The following RPIA variants were observed in gnomAD, a reference collection of about 807,000 sequenced individuals.
The protein encoded by RPIA is ribose-5-phosphate isomerase.
A neutral mutation model predicts 37.8 loss-of-function variants in RPIA; 29 were observed. The ratio of observed to expected loss-of-function variants is 0.77; its 90% CI spans 0.57 to 1.05. The LOEUF (loss-of-function observed/expected upper bound fraction) is 1.05. RPIA is among the 50% of genes least tolerant of loss of function. The probability of loss-of-function intolerance (pLI) is 0.00; values close to 1 mark genes in which losing one functional copy is unlikely to be tolerated. For missense variants in RPIA, 385 were observed against 413.6 expected (o/e 0.93, Z 0.60); for synonymous variants, 167 against 157.0 (o/e 1.06, Z -0.48).
chr2:88,695,719 G>A (rs998018554), intron 1 of RPIA, among the ~76,000 whole-genome samples: 1 of 152,144 alleles, frequency 6.6e-6, no homozygotes, highest in Admixed American at 6.5e-5. Flanking sequence ...TGAGAGCATT[G>A]GTATAGGTGG....
chr2:88,727,281 A>G (rs1473649005), intron 3 of RPIA, among the ~76,000 whole-genome samples: 1 of 152,258 alleles, frequency 6.6e-6, no homozygotes, highest in Non-Finnish European at 1.5e-5. Context: ...ATGGGAAGGG[A>G]TGATCCAAAG....
intron 3 of RPIA, among the ~76,000 whole-genome samples, chr2:88,724,425 G>C (rs748987472): frequency 6.6e-6 from 1 of 152,022 alleles, no homozygotes; most frequent in Non-Finnish European, 1.5e-5. Context: ...TAATGCCTCA[G>C]CCTCCCTAGT....
At chr2:88,728,708 G>C (rs369260274) in intron 3 of RPIA, among the ~76,000 whole-genome samples, 16 of 152,272 alleles carry the variant, frequency 1.1e-4, no homozygotes, top group East Asian at 7.7e-4. Flanking sequence ...TAACGTCAGT[G>C]GTGCTGACTT....
At chr2:88,707,139 A>G (rs1461228719) in intron 3 of RPIA, among the ~76,000 whole-genome samples, 4 of 152,202 alleles carry the variant, frequency 2.6e-5, no homozygotes, top group Admixed American at 2.6e-4. Flanking sequence ...GCAATTTTCC[A>G]TCACTGGGTT....
At chr2:88,718,092 A>G (rs1337689345) in intron 3 of RPIA, among the ~76,000 whole-genome samples, 1 of 152,214 alleles carries the variant, frequency 6.6e-6, no homozygotes, top group East Asian at 1.9e-4. Flanking sequence ...GGAAAAAAGA[A>G]GGAAAAAAAC....
At chr2:88,702,017 G>A (rs1469447887) in intron 3 of RPIA, among the ~76,000 whole-genome samples, 2 of 152,204 alleles carry the variant, frequency 1.3e-5, no homozygotes, top group Non-Finnish European at 2.9e-5. Flanking sequence ...TTGATAGTCT[G>A]TGACTAATTA....
At chr2:88,693,351 A>T (rs936680748) in intron 1 of RPIA, among the ~76,000 whole-genome samples, 2 of 152,232 alleles carry the variant, frequency 1.3e-5, no homozygotes, top group Non-Finnish European at 2.9e-5. Flanking sequence ...GATTCTGACC[A>T]CATCATTTCA....
At chr2:88,695,589 TGA>T (rs1243982484) in intron 1 of RPIA, among the ~76,000 whole-genome samples, 2 of 152,196 alleles carry the variant, frequency 1.3e-5, no homozygotes, top group African/African-American at 2.4e-5. Flanking sequence ...TTTTTATATG[TGA>T]GATATTTAGC....
At chr2:88,743,580 T>TC (rs397817371) in intron 8 of RPIA, among the ~76,000 whole-genome samples, 9 of 152,124 alleles carry the variant, frequency 5.9e-5, no homozygotes, top group Non-Finnish European at 1.0e-4. Context: ...TCCCTTTTTT[T>TC]CCCATCTTTT....
intron 4 of RPIA, 142 bp downstream of exon 4, chr2:88,729,479 A>G: frequency 1.2e-6 from 1 of 866,416 alleles, no homozygotes; most frequent in Non-Finnish European, 1.9e-6. Flanking sequence ...TGGGACCTTG[A>G]GTATTAATTT....
At chr2:88,703,331 C>T (rs1343048571) in intron 3 of RPIA, among the ~76,000 whole-genome samples, 1 of 152,218 alleles carries the variant, frequency 6.6e-6, no homozygotes, top group East Asian at 1.9e-4. Flanking sequence ...TCCGCACTGC[C>T]CTAGCAGAAG....
intron 3 of RPIA, among the ~76,000 whole-genome samples, chr2:88,714,608 C>G (rs1673009882): frequency 6.6e-6 from 1 of 152,178 alleles, no homozygotes; most frequent in Non-Finnish European, 1.5e-5. Context: ...GTCAGATGTC[C>G]TAGAGAAGGC....
intron 3 of RPIA, among the ~76,000 whole-genome samples, chr2:88,721,693 T>C (rs889819250): frequency 6.8e-6 from 1 of 148,038 alleles, no homozygotes; most frequent in Admixed American, 6.8e-5. Flanking sequence ...ATATACACCA[T>C]GGAATGCAGC....
At chr2:88,728,517 T>A (rs1673225734) in intron 3 of RPIA, among the ~76,000 whole-genome samples, 3 of 152,204 alleles carry the variant, frequency 2.0e-5, no homozygotes, top group African/African-American at 7.2e-5. Flanking sequence ...TTGGTTTCTG[T>A]GCATTATAAG....
At chr2:88,700,839 C>T (rs1672821595) in intron 3 of RPIA, among the ~76,000 whole-genome samples, 1 of 152,172 alleles carries the variant, frequency 6.6e-6, no homozygotes, top group African/African-American at 2.4e-5. Context: ...TGTCATCCCT[C>T]ATCTGGCCAT....
rs1673493675 is a variant in RPIA, at chr2:88,750,583, T to C, written c.*505T>C. On this transcript the variant is annotated 3_prime_UTR_variant, in exon 9 of 9. Coordinates refer to ENST00000283646, the MANE Select transcript of RPIA (RefSeq NM_144563.3). The stretch of plus-strand genomic sequence containing the variant: ...TAGTTTTTATTGTGAGCACACATAG[T>C]ACCTAGTTACATCTTAAGATCAGGT... 2.4e-6 allele frequency: 1 copy of C among 409,820 alleles called. No individual in the cohort carries two copies. Among genetic ancestry groups the C allele is most frequent in the Non-Finnish European group, 4.3e-6 (1 of 232,138 alleles). The allele number at this position is 409,820 out of a possible 1,614,324, so 25.4% of individuals were successfully genotyped here.
rs143134204 is a variant in RPIA at position 88,742,339 on chromosome 2, G to A, written c.838+4263G>A. On this transcript the variant is annotated intron_variant, in intron 8 of 8. Transcript: ENST00000283646. ...CCCCCTTGATATTTTTGTTTGCTTTGTTGAAGATCAGTTGGCTGTAAGTAT... is the reference window on the plus strand; with the variant it reads ...CCCCCTTGATATTTTTGTTTGCTTTATTGAAGATCAGTTGGCTGTAAGTAT... 3.9e-3 allele frequency among the ~76,000 whole-genome samples: 590 copies of A among 152,232 alleles called. 6 individuals carry two copies. Among genetic ancestry groups the A allele is most frequent in the African/African-American group, 0.014 (566 of 41,524 alleles).
chr2:88,735,210 A>T (rs149312186), intron 5 of RPIA, among the ~76,000 whole-genome samples: 2 of 152,202 alleles, frequency 1.3e-5, no homozygotes, highest in African/African-American at 4.8e-5. Flanking sequence ...CAGATGTGAG[A>T]TAGTTTAGCT....
chr2:88,712,572 GGTTT>G (rs1395805298), intron 3 of RPIA, among the ~76,000 whole-genome samples: 14 of 152,098 alleles, frequency 9.2e-5, no homozygotes, highest in South Asian at 2.1e-4. Flanking sequence ...TTTTTAGTTA[GGTTT>G]TACTTGTTTT....
Sources: allele counts gnomAD v4.1 joint callset (sites outside exome capture counted in the v4.1 genomes callset), GRCh38; gene constraint gnomAD v4.1.1; transcripts MANE v1.5; gene names NCBI Gene and HGNC (gene_info 2026-07-23, HGNC 2026-07-21).